The following PIK3C2A variants were observed in gnomAD, a reference collection of about 807,000 sequenced individuals.
PIK3C2A encodes the protein phosphatidylinositol-4-phosphate 3-kinase catalytic subunit type 2 alpha.
Under a neutral mutation model 204.5 loss-of-function variants are expected in PIK3C2A, and 97 were observed. The observed-to-expected ratio is 0.47, with a 90% CI of 0.40 to 0.56. PIK3C2A has a LOEUF of 0.56. Ranked by LOEUF, PIK3C2A falls within the 20% of genes least tolerant of loss-of-function variation. The pLI, the probability that PIK3C2A is intolerant of heterozygous loss-of-function variation, is 0.00. For synonymous variants in PIK3C2A, 653 were observed against 664.4 expected, an observed-to-expected ratio of 0.98 and a Z score of 0.26; for missense variants, 1,735 against 1,969.2, an observed-to-expected ratio of 0.88 and a Z score of 2.25.
At chr11:17,113,960 G>C (rs1396679797) in intron 20 of PIK3C2A, among the ~76,000 whole-genome samples, 2 of 151,700 alleles carry the variant, frequency 1.3e-5, no homozygotes, top group Non-Finnish European at 2.9e-5. Context: ...TGTGCCTGTA[G>C]TCCCAGCTAC....
At chr11:17,173,739 A>G (rs1258044568) in intron 1 of PIK3C2A, among the ~76,000 whole-genome samples, 5 of 152,240 alleles carry the variant, frequency 3.3e-5, no homozygotes, top group African/African-American at 1.2e-4. Flanking sequence ...GGAGTTCCCC[A>G]CAACATTTAA....
In PIK3C2A at chr11:17,114,435, G is replaced by T; in HGVS notation, c.3247C>A (p.Gln1083Lys). 1.9e-6 allele frequency: 3 copies of T among 1,579,892 alleles called. No individual in the cohort carries two copies. The highest frequency in any genetic ancestry group is 2.6e-6 in the Non-Finnish European group (3 of 1,149,366). The part of the protein sequence containing the change: ...VVLQRSMERV[Q>K]SFFQKNKCRL... ...CATTTATTTTTCTGAAAAAAGGACT[G>T]TACTCGTTCCATACTTCTTTGGAGA... The change falls in exon 20 of 33, where the codon CAG (glutamine) becomes AAG (lysine). Residue 1083 changes from glutamine to lysine, a missense_variant. By Grantham distance (53) the Gln-to-Lys change is moderately conservative. Around this residue, in one of 6 missense-constraint regions of PIK3C2A, gnomAD observed 567 missense variants for 576.0 expected, o/e 0.98. Coordinates refer to ENST00000691414, the MANE Select transcript of PIK3C2A (RefSeq NM_002645.4).
At chr11:17,112,524 T>TA (rs779244851) in intron 21 of PIK3C2A, 50 bp downstream of exon 21, 9 of 833,336 alleles carry the variant, frequency 1.1e-5, no homozygotes, top group African/African-American at 5.3e-5. Flanking sequence ...AGTAATTTGA[T>TA]AAAAAAATTT....
At chr11:17,116,332 CACA>C (rs1203329306) in intron 19 of PIK3C2A, among the ~76,000 whole-genome samples, 2 of 152,066 alleles carry the variant, frequency 1.3e-5, no homozygotes, top group East Asian at 1.9e-4. Context: ...AACTCAAAAC[CACA>C]ACGAGATACT....
chr11:17,124,447 A>G (rs550704943), intron 13 of PIK3C2A, among the ~76,000 whole-genome samples: 2 of 149,964 alleles, frequency 1.3e-5, no homozygotes, highest in East Asian at 3.9e-4. Context: ...TAACACTTGC[A>G]TTTGGATGTC....
At position 17,178,713 on chromosome 11, in the gene PIK3C2A, A is replaced by ATTT. The variant is rs569882194; in HGVS notation, c.-65-8910_-65-8908dup. On this transcript the variant is annotated intron_variant, in intron 1 of 32. Coordinates refer to ENST00000691414, the MANE Select transcript of PIK3C2A (RefSeq NM_002645.4). ...GCCACCACACCTGGTTGATTTTTGA[A>ATTT]TTTTTTTTTTTTTTTTTTTTTTTTT... Among the ~76,000 whole-genome samples, 47 of 9,812 alleles carry ATTT rather than the reference A, an allele frequency of 4.8e-3. 22 individuals are homozygous for ATTT. The highest frequency in any genetic ancestry group is 6.0e-3 in the African/African-American group (11 of 1,842). The allele number at this position is 9,812 out of a possible 152,430, so 6.4% of individuals were successfully genotyped here.
At chr11:17,207,448 T>C (rs1565314833) in intron 1 of PIK3C2A, among the ~76,000 whole-genome samples, 2 of 151,956 alleles carry the variant, frequency 1.3e-5, no homozygotes, top group Admixed American at 1.3e-4. Context: ...ACTAACAATC[T>C]GCCAAGAAAA....
At chr11:17,170,891 C>T (rs1385282907) in intron 1 of PIK3C2A, among the ~76,000 whole-genome samples, 3 of 152,088 alleles carry the variant, frequency 2.0e-5, no homozygotes, top group African/African-American at 7.2e-5. Context: ...ATCACAAGGT[C>T]AGGAGATCGA....
intron 1 of PIK3C2A, among the ~76,000 whole-genome samples, chr11:17,179,855 C>A (rs1851474913): frequency 6.6e-6 from 1 of 152,176 alleles, no homozygotes; most frequent in Non-Finnish European, 1.5e-5. Flanking sequence ...CCTACGTGAT[C>A]TCACCTCAGC....
chr11:17,187,211 A>C (rs1851781553), intron 1 of PIK3C2A, among the ~76,000 whole-genome samples: 1 of 152,208 alleles, frequency 6.6e-6, no homozygotes, highest in Non-Finnish European at 1.5e-5. Flanking sequence ...CAAGAAAAAA[A>C]TCATGAGAGC....
chr11:17,148,907 C>T (rs925341469), intron 4 of PIK3C2A, 120 bp from the exon 5 acceptor site: 4 of 658,520 alleles, frequency 6.1e-6, no homozygotes, highest in African/African-American at 5.5e-5. Context: ...AAATGTAGGC[C>T]ACATATATAA....
chr11:17,193,809 G>A, intron 1 of PIK3C2A: 1 of 168,842 alleles, frequency 5.9e-6, no homozygotes, highest in South Asian at 1.2e-4. Flanking sequence ...TCGCACCACT[G>A]CGCTCCAGCC....
Position 17,135,041 on chromosome 11 carries a change from A to G in PIK3C2A, c.1898-12T>C, listed in dbSNP as rs1455253401. The G allele has an allele frequency of 1.2e-6, 2 of 1,606,458 alleles. No homozygotes were observed. Among genetic ancestry groups the G allele is most frequent in the Non-Finnish European group, 1.7e-6 (2 of 1,174,004 alleles). ...AGGATTAAGTGAGCCTAGATTAAAG[A>G]AAAAAAAAGTTAATAGATTCTCTGA... On this transcript the variant is annotated splice_polypyrimidine_tract_variant and intron_variant, in intron 10 of 32. Transcript: ENST00000691414.
intron 13 of PIK3C2A, among the ~76,000 whole-genome samples, chr11:17,126,729 C>G (rs1394451545): frequency 6.6e-6 from 1 of 152,208 alleles, no homozygotes; most frequent in South Asian, 2.1e-4. Flanking sequence ...ACTTGGCAGT[C>G]TCAAGCTTAA....
chr11:17,119,425 T>C (rs1590929431), intron 16 of PIK3C2A, 112 bp from the exon 17 acceptor site: 4 of 689,092 alleles, frequency 5.8e-6, no homozygotes, highest in Middle Eastern at 2.4e-4. Context: ...AAGATATCTC[T>C]TTTATTCAAA....
At chr11:17,191,989 T>A (rs867050793) in intron 1 of PIK3C2A, among the ~76,000 whole-genome samples, 7,106 of 125,556 alleles carry the variant, frequency 0.057, 226 homozygotes, top group South Asian at 0.095. Flanking sequence ...AAAAAAAAAA[T>A]AGAAAAATTA....
At chr11:17,094,661 T>C (rs1848402393) in intron 27 of PIK3C2A, among the ~76,000 whole-genome samples, 2 of 151,970 alleles carry the variant, frequency 1.3e-5, no homozygotes, top group Non-Finnish European at 2.9e-5. Flanking sequence ...GAGACAGAGG[T>C]TGCAGTGAAC....
rs1848210055 is a variant in PIK3C2A at position 17,088,495 on chromosome 11, G to C, written c.*1243C>G. On this transcript the variant is annotated 3_prime_UTR_variant, in exon 33 of 33. Coordinates refer to ENST00000691414, the MANE Select transcript of PIK3C2A (RefSeq NM_002645.4). Reference sequence around the variant, plus strand: ...GACCTCAGGTGATCCGCCCACCTTGGCCTCCCAAAGTGTTGGGATTACAGG... The same window carrying C: ...GACCTCAGGTGATCCGCCCACCTTGCCCTCCCAAAGTGTTGGGATTACAGG... The C allele has an allele frequency of 6.6e-6, 1 of 152,192 alleles. No individual in the cohort carries two copies. The highest frequency in any genetic ancestry group is 1.5e-5 in the Non-Finnish European group (1 of 68,074). 9.4% of individuals were successfully genotyped at this position (152,192 alleles called of 1,614,324 possible).
intron 2 of PIK3C2A, among the ~76,000 whole-genome samples, chr11:17,162,393 G>A (rs1040447376): frequency 5.9e-5 from 9 of 151,698 alleles, no homozygotes; most frequent in Admixed American, 3.3e-4. Context: ...TTTATAACAG[G>A]TGCATGCCAA....
Sources: allele counts gnomAD v4.1 joint callset (sites outside exome capture counted in the v4.1 genomes callset), GRCh38; gene constraint gnomAD v4.1.1; regional missense constraint gnomAD v4.1.1; transcripts MANE v1.5; gene names NCBI Gene and HGNC (gene_info 2026-07-23, HGNC 2026-07-21).